PRKN: variants seen among roughly 807,000 people sequenced by gnomAD.
The protein encoded by PRKN is E3 ubiquitin-protein ligase parkin.
Under a neutral mutation model 59.5 loss-of-function variants are expected in PRKN, and 56 were observed. The observed-to-expected ratio is 0.94, with a 90% CI of 0.76 to 1.18. The LOEUF is 1.18. Ranked by LOEUF, PRKN falls within the 50% of genes most tolerant of loss-of-function variation. The probability of loss-of-function intolerance (pLI) is 0.00; values close to 1 mark genes in which losing one functional copy is unlikely to be tolerated. For missense variants in PRKN, 657 were observed against 596.4 expected, an observed-to-expected ratio of 1.10 and a Z score of -1.06; for synonymous variants, 250 against 222.1, an observed-to-expected ratio of 1.13 and a Z score of -1.12.
intron 1 of PRKN, among the ~76,000 whole-genome samples, chr6:162,547,461 T>G (rs938296744): frequency 6.6e-6 from 1 of 152,198 alleles, no homozygotes; most frequent in Non-Finnish European, 1.5e-5. Flanking sequence ...TTTACCTAAT[T>G]GGATATTTAC....
intron 6 of PRKN, among the ~76,000 whole-genome samples, chr6:161,913,855 G>C (rs1778456837): frequency 6.6e-6 from 1 of 152,122 alleles, no homozygotes; most frequent in African/African-American, 2.4e-5. Flanking sequence ...ACCCTTATGG[G>C]ATTTGTGTCC....
chr6:161,606,890 C>A lies in PRKN; in HGVS notation c.872-37474G>T, dbSNP rs560164652. Among the ~76,000 whole-genome samples the A allele has an allele frequency of 5.3e-5, 8 of 152,324 alleles. No individual in the cohort carries two copies. The South Asian group carries it at 8.3e-4, about 16-fold the overall frequency. ...TTTCCCTGCTTCCCCAGGCTGAAGA[C>A]AAAATGTTCTTTTCCCAGAGTAGCC... On this transcript the variant is annotated intron_variant, in intron 7 of 11. Transcript: ENST00000366898.
intron 7 of PRKN, among the ~76,000 whole-genome samples, chr6:161,711,423 T>C (rs1281702810): frequency 1.3e-5 from 2 of 152,154 alleles, no homozygotes; most frequent in Non-Finnish European, 1.5e-5. Flanking sequence ...GTATACAGAA[T>C]GTGTCAGAAG....
intron 6 of PRKN, among the ~76,000 whole-genome samples, chr6:161,968,364 T>A (rs1268460816): frequency 1.3e-5 from 2 of 151,942 alleles, no homozygotes; most frequent in Middle Eastern, 3.2e-3. Flanking sequence ...TTCGAAGGCC[T>A]GGTTTCTGTT....
chr6:162,383,308 A>G (rs1786596655), intron 2 of PRKN, among the ~76,000 whole-genome samples: 1 of 152,124 alleles, frequency 6.6e-6, no homozygotes, highest in African/African-American at 2.4e-5. Flanking sequence ...AATTAGAATT[A>G]CTCCTTGATT....
intron 1 of PRKN, among the ~76,000 whole-genome samples, chr6:162,523,814 C>T (rs1188895858): frequency 6.6e-6 from 1 of 151,822 alleles, no homozygotes; most frequent in East Asian, 1.9e-4. Flanking sequence ...GCTAGGAGTT[C>T]AAGACCAGCC....
intron 7 of PRKN, among the ~76,000 whole-genome samples, chr6:161,651,017 T>C (rs1341557545): frequency 2.0e-5 from 3 of 152,256 alleles, no homozygotes; most frequent in Non-Finnish European, 4.4e-5. Flanking sequence ...ATATGCACTT[T>C]TGTTAAATTT....
chr6:161,386,960 T>A lies in PRKN; in HGVS notation c.1084-83A>T. On this transcript the variant is annotated intron_variant, in intron 9 of 11. Transcript: ENST00000366898. This position sits in a 1 kb window ranked among gnomAD's most constrained non-coding sequence, Gnocchi z 4.3. ...CATTTTTCCTTTTCCAAATTCATTATATTCATTCCTCTGGCTTGTGCAACA... is the reference window on the plus strand; with the variant it reads ...CATTTTTCCTTTTCCAAATTCATTAAATTCATTCCTCTGGCTTGTGCAACA... 2 of 1,048,426 alleles carry A rather than the reference T, an allele frequency of 1.9e-6. No homozygotes were observed. Among genetic ancestry groups the A allele is most frequent in the East Asian group, 2.4e-5 (1 of 42,294 alleles). 64.9% of individuals were successfully genotyped at this position (1,048,426 alleles called of 1,614,324 possible).
chr6:162,114,498 A>G (rs528781247), intron 4 of PRKN, among the ~76,000 whole-genome samples: 21 of 152,004 alleles, frequency 1.4e-4, no homozygotes, highest in Non-Finnish European at 1.5e-4. Context: ...GAGTTCACTC[A>G]TGATTTGGCT....
chr6:162,341,775 G>C (rs1390725189), intron 2 of PRKN, among the ~76,000 whole-genome samples: 1 of 152,040 alleles, frequency 6.6e-6, no homozygotes, highest in Admixed American at 6.6e-5. Flanking sequence ...GGGGATGGGA[G>C]TGGATAGCAT....
intron 6 of PRKN, among the ~76,000 whole-genome samples, chr6:161,955,071 AG>A (rs1780121827): frequency 6.6e-6 from 1 of 152,216 alleles, no homozygotes; most frequent in Non-Finnish European, 1.5e-5. Flanking sequence ...GCAGTCTCGG[AG>A]GAAGTCATCG....
chr6:162,292,728 TA>T lies in PRKN; in HGVS notation c.172-29964del, dbSNP rs1051842915. ...TGAGAAGCAGCACCACTGCCTTCCT[TA>T]GACCCACCAGGATCAGTTCTTTCGG... On this transcript the variant is annotated intron_variant, in intron 2 of 11. Coordinates refer to ENST00000366898, the MANE Select transcript of PRKN (RefSeq NM_004562.3). 4.1e-4 allele frequency among the ~76,000 whole-genome samples: 63 copies of T among 152,258 alleles called. 1 individual carries two copies. The highest frequency in any genetic ancestry group is 1.5e-3 in the African/African-American group (62 of 41,546).
At chr6:161,750,098 C>CATATATATATATATATATATATATAT (rs72125109) in intron 7 of PRKN, among the ~76,000 whole-genome samples, 1 of 145,110 alleles carries the variant, frequency 6.9e-6, no homozygotes, top group African/African-American at 2.6e-5. Flanking sequence ...ACACATAGGA[C>CATATATATATATATATATATATATAT]ATATATATAT....
Position 161,589,003 on chromosome 6 carries a change from T to G in PRKN, c.872-19587A>C, listed in dbSNP as rs142638104. ...AGCCATAATTCAGAGAGAATATTTG[T>G]AACAGAAGGCCATTTGTAGCATGTA... On this transcript the variant is annotated intron_variant, in intron 7 of 11. Transcript: ENST00000366898. Among the ~76,000 whole-genome samples the G allele has an allele frequency of 1.4e-3, 219 of 152,342 alleles. 1 individual carries two copies. The highest frequency in any genetic ancestry group is 4.9e-3 in the African/African-American group (205 of 41,578).
rs187798369 is a variant in PRKN, at chr6:161,885,618, T to C, written c.734+87684A>G. Among the ~76,000 whole-genome samples, 31 of 149,192 alleles carry C rather than the reference T, an allele frequency of 2.1e-4. No individual in the cohort carries two copies. In the East Asian group the frequency reaches 4.9e-3, roughly 24 times the overall value. On this transcript the variant is annotated intron_variant, in intron 6 of 11. Transcript: ENST00000366898. ...AGGCGGAGCTTGCAGTGGGCCAAGATTGCACCACTGCACTCCAGCCTGGGT... is the reference window on the plus strand; with the variant it reads ...AGGCGGAGCTTGCAGTGGGCCAAGACTGCACCACTGCACTCCAGCCTGGGT...
intron 7 of PRKN, among the ~76,000 whole-genome samples, chr6:161,613,680 C>G (rs952958432): frequency 6.6e-6 from 1 of 152,140 alleles, no homozygotes; most frequent in Admixed American, 6.5e-5. Context: ...CAGCAGCCAT[C>G]AACATGAAGG....
At chr6:162,643,676 T>C (rs948254608) in intron 1 of PRKN, among the ~76,000 whole-genome samples, 6 of 152,138 alleles carry the variant, frequency 3.9e-5, no homozygotes, top group African/African-American at 1.4e-4. Flanking sequence ...TTATAGAAAA[T>C]ATTAATTTCA....
At chr6:161,573,755 A>AAAAAAAAAATATATAT (rs1781013640) in intron 7 of PRKN, among the ~76,000 whole-genome samples, 1 of 30,362 alleles carries the variant, frequency 3.3e-5, no homozygotes, top group Non-Finnish European at 5.4e-5. Context: ...AAAAAAAAAA[A>AAAAAAAAAATATATAT]ATATATATAT....
At chr6:162,028,075 A>C (rs1198180469) in intron 5 of PRKN, among the ~76,000 whole-genome samples, 1 of 152,186 alleles carries the variant, frequency 6.6e-6, no homozygotes, top group Non-Finnish European at 1.5e-5. Context: ...AAACACTGAG[A>C]ACTGTCATGT....
Sources: gnomAD v4.1 joint callset for allele counts (sites outside exome capture counted in the v4.1 genomes callset) on GRCh38, gnomAD v4.1.1 for gene constraint, Gnocchi (gnomAD v3.1) non-coding constraint, MANE v1.5 for transcripts, NCBI Gene and HGNC (gene_info 2026-07-23, HGNC 2026-07-21) for gene names.